Variants in PSG8 observed in about 807,000 individuals in gnomAD.
PSG8 encodes pregnancy specific beta-1-glycoprotein 8, also known as pregnancy-specific beta-1-glycoprotein 8.
In PSG8, 57 loss-of-function variants were observed where a neutral mutation model predicts 42.5. That is an observed-to-expected ratio of 1.34 (90% confidence interval 1.08 to 1.67). The LOEUF is 1.67. PSG8 is among the 40% of genes most tolerant of loss of function. The pLI is 0.00. For synonymous variants in PSG8, 280 were observed against 196.8 expected (o/e 1.42, Z -3.54); for missense variants, 783 against 518.6 (o/e 1.51, Z -4.95).
At chr19:42,765,017 G>C (rs1346313892) in intron 1 of PSG8, among the ~76,000 whole-genome samples, 1 of 151,886 alleles carries the variant, frequency 6.6e-6, no homozygotes, top group Non-Finnish European at 1.5e-5. Flanking sequence ...TGATTAATCA[G>C]GAAAACAGAA....
chr19:42,758,348 T>C (rs1488416996), intron 2 of PSG8, 68 bp from the exon 3 acceptor site: 1 of 1,568,390 alleles, frequency 6.4e-7, no homozygotes, highest in Non-Finnish European at 8.6e-7. Context: ...CATTTTTCAA[T>C]CAGAGTTGGC....
At chr19:42,762,512 T>G (rs1382724168) in intron 2 of PSG8, among the ~76,000 whole-genome samples, 4 of 151,946 alleles carry the variant, frequency 2.6e-5, no homozygotes, top group African/African-American at 9.7e-5. Flanking sequence ...TAAAGAGGTT[T>G]TGGATCATTC....
At chr19:42,753,955 A>C, downstream of PSG8, 1 of 582,670 alleles carries the variant, frequency 1.7e-6, no homozygotes, top group Non-Finnish European at 3.2e-6. Flanking sequence ...AAACTGCGGT[A>C]TAGTTTATTG....
chr19:42,754,392 GAGCA>G lies in PSG8; in HGVS notation c.1180_1183del (p.Cys394LeufsTer15), dbSNP rs769747759. 1 of 1,613,836 alleles carries G rather than the reference GAGCA, an allele frequency of 6.2e-7. No homozygotes were observed. The highest frequency in any genetic ancestry group is 8.5e-7 in the Non-Finnish European group (1 of 1,179,798). ...CTTGCCAGTGGCTGAGTTACGAACA[GAGCA>G]AGCATAGAGCCCGCTATGCTTTGTA... On this transcript the variant is annotated frameshift_variant, in exon 5 of 5. Coordinates refer to ENST00000306511, the MANE Select transcript of PSG8 (RefSeq NM_182707.3). LOFTEE classifies it high-confidence loss of function.
Position 42,765,671 on chromosome 19 carries a change from C to A in PSG8, c.-90G>T. The A allele has an allele frequency of 6.5e-7, 1 of 1,541,900 alleles. No homozygotes were observed. On this transcript the variant is annotated 5_prime_UTR_variant, in exon 1 of 5. It adds an upstream start codon to the 5' untranslated region. Transcript: ENST00000306511. ...ACAGCTCTCAGCAGTGCTGTCCTGCCTCCTTCTGCGCTGAGCTTCTTCCCG... is the reference window on the plus strand; with the variant it reads ...ACAGCTCTCAGCAGTGCTGTCCTGCATCCTTCTGCGCTGAGCTTCTTCCCG...
chr19:42,757,436 T>G (rs1373132394), intron 3 of PSG8, among the ~76,000 whole-genome samples: 2 of 151,886 alleles, frequency 1.3e-5, no homozygotes, highest in African/African-American at 4.8e-5. Context: ...TTTTAGTGAT[T>G]TGGGGGATAA....
chr19:42,764,346 C>G, intron 1 of PSG8, 65 bp from the exon 2 acceptor site: 2 of 1,557,304 alleles, frequency 1.3e-6, no homozygotes, highest in East Asian at 2.2e-5. Context: ...ACATGGGGCC[C>G]TGGGTCCTGA....
intron 1 of PSG8, among the ~76,000 whole-genome samples, chr19:42,765,294 A>T (rs530779778): frequency 6.6e-5 from 10 of 152,032 alleles, no homozygotes; most frequent in South Asian, 2.1e-4. Flanking sequence ...CTAGGATTAG[A>T]GGAGCACACC....
In PSG8 at chr19:42,762,309, C is replaced by T. The variant is rs954511906; in HGVS notation, c.430+1607G>A. Among the ~76,000 whole-genome samples, 18 of 151,740 alleles carry T rather than the reference C, an allele frequency of 1.2e-4. 2 individuals are homozygous for T. The highest frequency in any genetic ancestry group is 2.1e-4 in the South Asian group (1 of 4,794). Reference sequence around the variant, plus strand: ...CTTCAAAAACCCCAGGGACCAGGTGCCCCCAGCTCCACAGTCCAGGACCAA... The same window carrying T: ...CTTCAAAAACCCCAGGGACCAGGTGTCCCCAGCTCCACAGTCCAGGACCAA... On this transcript the variant is annotated intron_variant, in intron 2 of 4. Coordinates refer to ENST00000306511, the MANE Select transcript of PSG8 (RefSeq NM_182707.3).
chr19:42,755,522 C>T (rs538247593), intron 3 of PSG8: 34 of 797,502 alleles, frequency 4.3e-5, no homozygotes, highest in East Asian at 2.6e-4. Flanking sequence ...TGGACAGACA[C>T]GTCAGTGGAA....
rs1337295823 is a variant in PSG8 at position 42,754,295 on chromosome 19, C to T, written c.1281G>A (p.Ter427=). ...RIPVSLAIGI[*] is the part of the protein sequence containing the mutation. ...TCCCTGAAGGCCAGATAGACTCCACCTAAATCCCTATTGCCAAGGATACTG... is the reference window on the plus strand; with the variant it reads ...TCCCTGAAGGCCAGATAGACTCCACTTAAATCCCTATTGCCAAGGATACTG... The change falls in exon 5 of 5, where the codon TAG becomes TAA. Residue 427 remains the stop codon, a stop_retained_variant. Coordinates refer to ENST00000306511, the MANE Select transcript of PSG8 (RefSeq NM_182707.3). 3.1e-6 allele frequency: 5 copies of T among 1,613,128 alleles called. No individual in the cohort carries two copies. The highest frequency in any genetic ancestry group is 4.2e-6 in the Non-Finnish European group (5 of 1,179,558).
chr19:42,754,643 C>G, intron 4 of PSG8, 56 bp from the exon 5 acceptor site: 2 of 1,565,554 alleles, frequency 1.3e-6, no homozygotes, highest in East Asian at 2.2e-5. Context: ...GGGGATGTTC[C>G]TGGTCTCTTA....
In PSG8 at chr19:42,755,165, A is replaced by G; in HGVS notation, c.811T>C (p.Tyr271His). 2 of 1,611,862 alleles carry G rather than the reference A, an allele frequency of 1.2e-6. No homozygotes were observed. The highest frequency in any genetic ancestry group is 1.7e-6 in the Non-Finnish European group (2 of 1,179,788). ...TCEPKSENYT[Y>H]IWWLNGQSLP... Reference sequence around the variant, plus strand: ...CTCTGACCATTTAGCCACCAAATGTAGGTGTAGTTCTCACTCTTAGGTTCA... The same window carrying G: ...CTCTGACCATTTAGCCACCAAATGTGGGTGTAGTTCTCACTCTTAGGTTCA... The change falls in exon 4 of 5, where the codon TAC becomes CAC. Residue 271 changes from tyrosine to histidine, a missense_variant. Tyr to His is a moderately conservative substitution (Grantham distance 83). Coordinates refer to ENST00000306511, the MANE Select transcript of PSG8 (RefSeq NM_182707.3).
chr19:42,754,823 G>A (rs1969875588), intron 4 of PSG8, 165 bp downstream of exon 4: 1 of 1,481,058 alleles, frequency 6.8e-7, no homozygotes, highest in Admixed American at 2.4e-5. Context: ...TCTTGGTTAA[G>A]GCTGTGCCTA....
In PSG8 at chr19:42,758,235, C is replaced by A; in HGVS notation, c.476G>T (p.Arg159Met). ...PSISSSKLNP[R>M]EAMEAVSLTC... is the part of the protein sequence containing the mutation. ...TAAGCTCACAGCCTCCATGGCCTCC[C>A]TGGGGTTTAATTTGCTGCTGGAGAT... The change falls in exon 3 of 5, where the codon AGG becomes ATG. Residue 159 changes from arginine (R) to methionine (M), a missense_variant. Coordinates refer to ENST00000306511, the MANE Select transcript of PSG8 (RefSeq NM_182707.3). 1.2e-6 allele frequency: 2 copies of A among 1,614,022 alleles called. No individual in the cohort carries two copies. Among genetic ancestry groups the A allele is most frequent in the Non-Finnish European group, 1.7e-6 (2 of 1,179,944 alleles).
rs148036395 is a variant in PSG8 at position 42,764,217 on chromosome 19, G to C, written c.129C>G (p.Thr43=). Residue 43 remains threonine, a synonymous_variant, in exon 2 of 5, where the codon ACC becomes ACG. Coordinates refer to ENST00000306511, the MANE Select transcript of PSG8 (RefSeq NM_182707.3). ...GAACATCCTTCCCCTCAGAAACTTT[G>C]GTTGGCTGGGCTTCAATCGTGACTT... is the stretch of plus-strand genomic sequence containing the variant. ...TAQVTIEAQP[T]KVSEGKDVLL... The C allele has an allele frequency of 2.0e-4, 328 of 1,613,666 alleles. 1 individual carries two copies. The highest frequency in any genetic ancestry group is 2.3e-4 in the Non-Finnish European group (277 of 1,179,846).
At chr19:42,757,263 G>A in intron 3 of PSG8, among the ~76,000 whole-genome samples, 1 of 152,034 alleles carries the variant, frequency 6.6e-6, no homozygotes, top group Non-Finnish European at 1.5e-5. Context: ...TCCCTTTGCA[G>A]AGGGCAGGTG....
intron 2 of PSG8, among the ~76,000 whole-genome samples, chr19:42,762,563 AGT>A (rs1481797286): frequency 6.6e-6 from 1 of 151,772 alleles, no homozygotes; most frequent in Non-Finnish European, 1.5e-5. Flanking sequence ...AGAGCTCCTG[AGT>A]GTGTGTCTGT....
chr19:42,760,322 C>T (rs1377446589), intron 2 of PSG8, among the ~76,000 whole-genome samples: 1 of 152,184 alleles, frequency 6.6e-6, no homozygotes, highest in African/African-American at 2.4e-5. Context: ...CCAACTGGTC[C>T]CCAAAACCAC....
Sources: gnomAD v4.1 joint callset for allele counts (sites outside exome capture counted in the v4.1 genomes callset) on GRCh38, gnomAD v4.1.1 for gene constraint, MANE v1.5 for transcripts, NCBI Gene and HGNC (gene_info 2026-07-23, HGNC 2026-07-21) for gene names.